The following ITPR2 variants were observed in gnomAD, a reference collection of about 807,000 sequenced individuals.
The protein encoded by ITPR2 is inositol 1,4,5-trisphosphate-gated calcium channel ITPR2.
A neutral mutation model predicts 317.1 loss-of-function variants in ITPR2; 207 were observed. The ratio of observed to expected loss-of-function variants is 0.65; its 90% CI spans 0.58 to 0.73. ITPR2 has a LOEUF of 0.73. Ranked by LOEUF, ITPR2 falls within the 30% of genes least tolerant of loss-of-function variation. ITPR2 has a pLI of 0.00. For missense variants in ITPR2, 2,613 were observed against 3,284.0 expected (o/e 0.80, Z 4.99); for synonymous variants, 1,156 against 1,149.1 (o/e 1.01, Z -0.12).
chr12:26,430,529 G>T (rs1941178621), intron 48 of ITPR2, among the ~76,000 whole-genome samples: 1 of 152,172 alleles, frequency 6.6e-6, no homozygotes, highest in Non-Finnish European at 1.5e-5. Context: ...CTCCCAAAGT[G>T]CTGGGATTAC....
chr12:26,380,494 G>A (rs1309845449), intron 55 of ITPR2, among the ~76,000 whole-genome samples: 1 of 152,156 alleles, frequency 6.6e-6, no homozygotes, highest in African/African-American at 2.4e-5. Context: ...TTTTAATTGT[G>A]CATTCTGAGC....
At chr12:26,710,464 A>C (rs1180365200) in intron 9 of ITPR2, among the ~76,000 whole-genome samples, 1 of 152,210 alleles carries the variant, frequency 6.6e-6, no homozygotes, top group Non-Finnish European at 1.5e-5. Context: ...TCCATTCACA[A>C]AATAGTCATC....
chr12:26,393,677 A>G (rs1939912927), intron 54 of ITPR2, among the ~76,000 whole-genome samples: 2 of 152,244 alleles, frequency 1.3e-5, no homozygotes, highest in Admixed American at 6.5e-5. Flanking sequence ...TAAATTACTT[A>G]AGTGTTTCCT....
chr12:26,708,867 GC>G (rs1401722925), intron 9 of ITPR2, among the ~76,000 whole-genome samples: 1 of 152,122 alleles, frequency 6.6e-6, no homozygotes, highest in Admixed American at 6.5e-5. Context: ...CATCACACGT[GC>G]CCCATAAGTG....
chr12:26,384,700 A>G (rs1939616480), intron 55 of ITPR2, among the ~76,000 whole-genome samples: 1 of 152,214 alleles, frequency 6.6e-6, no homozygotes, highest in African/African-American at 2.4e-5. Context: ...CATAAAATCC[A>G]AAGGCTTTGA....
In ITPR2 at chr12:26,422,284, GAAT is replaced by G. The variant is rs1434531653; in HGVS notation, c.6946-3074_6946-3072del. On this transcript the variant is annotated intron_variant, in intron 49 of 56. Transcript: ENST00000381340. ...AACCAATAATTATTATTGAATTATTGAATAATTATTATTGAATAATAATAATAC... is the reference window on the plus strand; with the variant it reads ...AACCAATAATTATTATTGAATTATTGAATTATTATTGAATAATAATAATAC... Among the ~76,000 whole-genome samples, 5 of 149,130 alleles carry G rather than the reference GAAT, an allele frequency of 3.4e-5. No individual in the cohort carries two copies. The East Asian group carries it at 7.8e-4, about 23-fold the overall frequency.
chr12:26,458,329 A>G (rs905586549), intron 45 of ITPR2, among the ~76,000 whole-genome samples: 1 of 152,158 alleles, frequency 6.6e-6, no homozygotes, highest in African/African-American at 2.4e-5. Flanking sequence ...TGTGCCACTC[A>G]TGGAGAAAAG....
chr12:26,415,577 T>C, intron 50 of ITPR2, 79 bp from the exon 51 acceptor site: 1 of 1,010,326 alleles, frequency 9.9e-7, no homozygotes, highest in Non-Finnish European at 1.4e-6. Context: ...TAATTACAAA[T>C]ACAAATGCAA....
intron 10 of ITPR2, 38 bp downstream of exon 10, chr12:26,695,568 A>T: frequency 3.2e-6 from 5 of 1,543,970 alleles, no homozygotes; most frequent in Non-Finnish European, 3.6e-6. Flanking sequence ...TAATAACAAT[A>T]TGCTGAGATT....
At chr12:26,797,015 C>T (rs144680473) in intron 1 of ITPR2, among the ~76,000 whole-genome samples, 92 of 151,796 alleles carry the variant, frequency 6.1e-4, no homozygotes, top group African/African-American at 2.1e-3. Context: ...CTAGTCCGGG[C>T]GACAGAATGA....
At chr12:26,587,922 C>A (rs1945577922) in intron 32 of ITPR2, among the ~76,000 whole-genome samples, 1 of 152,118 alleles carries the variant, frequency 6.6e-6, no homozygotes, top group African/African-American at 2.4e-5. Context: ...CAGGAGTAGT[C>A]AAATTTGGAA....
At chr12:26,793,077 TAG>T (rs1565770693) in intron 1 of ITPR2, among the ~76,000 whole-genome samples, 1 of 152,214 alleles carries the variant, frequency 6.6e-6, no homozygotes, top group African/African-American at 2.4e-5. Context: ...ATTGGGTTTA[TAG>T]TAAACAATAA....
chr12:26,744,173 A>G (rs1949280728), intron 2 of ITPR2, among the ~76,000 whole-genome samples: 2 of 152,134 alleles, frequency 1.3e-5, no homozygotes, highest in South Asian at 4.1e-4. Flanking sequence ...ACCTTACTCA[A>G]AGCAAAAGCC....
chr12:26,787,310 A>G (rs1377189857), intron 2 of ITPR2, among the ~76,000 whole-genome samples: 1 of 152,244 alleles, frequency 6.6e-6, no homozygotes, highest in East Asian at 1.9e-4. Context: ...ATTTAATCTA[A>G]AACTGGAGGT....
intron 26 of ITPR2, among the ~76,000 whole-genome samples, chr12:26,615,029 G>A (rs749998602): frequency 2.6e-5 from 4 of 152,058 alleles, no homozygotes; most frequent in Non-Finnish European, 4.4e-5. Context: ...GTTAACAATC[G>A]GAGAAAGAGA....
chr12:26,481,396 G>T (rs1471087845), intron 42 of ITPR2, among the ~76,000 whole-genome samples, 155 bp from the exon 43 acceptor site: 1 of 152,138 alleles, frequency 6.6e-6, no homozygotes, highest in East Asian at 1.9e-4. Context: ...TTTGTATAGG[G>T]TCTGGCAATT....
chr12:26,393,158 C>T (rs576001955), intron 54 of ITPR2, among the ~76,000 whole-genome samples: 10 of 152,200 alleles, frequency 6.6e-5, no homozygotes, highest in Non-Finnish European at 1.0e-4. Context: ...CTGGGTGTCC[C>T]TTGGCACACA....
At chr12:26,590,308 T>C (rs1016436774) in intron 32 of ITPR2, among the ~76,000 whole-genome samples, 1 of 152,332 alleles carries the variant, frequency 6.6e-6, no homozygotes, top group East Asian at 1.9e-4. Context: ...AGTGAGGAGG[T>C]GTTTATAGTA....
intron 21 of ITPR2, among the ~76,000 whole-genome samples, chr12:26,646,374 CCTTTTT>C (rs1318324219): frequency 1.2e-4 from 18 of 152,042 alleles, no homozygotes; most frequent in Non-Finnish European, 1.8e-4. Context: ...TTTCCCTTCT[CCTTTTT>C]AACAGTAACT....
Sources: gnomAD v4.1 joint callset for allele counts (sites outside exome capture counted in the v4.1 genomes callset) on GRCh38, gnomAD v4.1.1 for gene constraint, MANE v1.5 for transcripts, NCBI Gene and HGNC (gene_info 2026-07-23, HGNC 2026-07-21) for gene names.